Variants in PPARGC1A observed in about 807,000 individuals in gnomAD.
PPARGC1A encodes peroxisome proliferator-activated receptor gamma coactivator 1-alpha.
A neutral mutation model predicts 88.7 loss-of-function variants in PPARGC1A; 25 were observed. The observed-to-expected ratio is 0.28, with a 90% CI of 0.21 to 0.39. The LOEUF (loss-of-function observed/expected upper bound fraction) is 0.39, where lower values mean the gene tolerates loss of function less well. Among genes scored for constraint, PPARGC1A ranks in the 10% least tolerant of loss-of-function variants. PPARGC1A has a pLI of 1.00. For synonymous variants in PPARGC1A, 363 were observed against 355.6 expected (o/e 1.02, Z -0.24); for missense variants, 880 against 968.7 (o/e 0.91, Z 1.22).
chr4:24,094,408 G>A, the PPARGC1A span, among the ~76,000 whole-genome samples: 1 of 152,150 alleles, frequency 6.6e-6, no homozygotes, highest in Non-Finnish European at 1.5e-5. Flanking sequence ...GGCCCAGTCT[G>A]TTCTACCCAG....
the PPARGC1A span, among the ~76,000 whole-genome samples, chr4:24,335,945 A>T: frequency 6.6e-6 from 1 of 152,260 alleles, no homozygotes; most frequent in Non-Finnish European, 1.5e-5. Context: ...CAGAATAAAT[A>T]CATAAATAAA....
the PPARGC1A span, among the ~76,000 whole-genome samples, chr4:24,182,977 G>C: frequency 6.6e-6 from 1 of 152,078 alleles, no homozygotes; most frequent in South Asian, 2.1e-4. Flanking sequence ...TCCCAGTGTC[G>C]GGGGAAGATA....
At chr4:24,157,684 C>T in the PPARGC1A span, among the ~76,000 whole-genome samples, 1 of 151,980 alleles carries the variant, frequency 6.6e-6, no homozygotes, top group Admixed American at 6.6e-5. Context: ...TTTCTCTTTC[C>T]TTCACCCTCC....
the PPARGC1A span, among the ~76,000 whole-genome samples, chr4:23,980,829 G>A: frequency 6.6e-6 from 1 of 152,104 alleles, no homozygotes; most frequent in African/African-American, 2.4e-5. Context: ...TCCCACATGG[G>A]TGCAGAACTT....
At chr4:23,859,420 G>T (rs1448789931) in intron 2 of PPARGC1A, among the ~76,000 whole-genome samples, 1 of 152,152 alleles carries the variant, frequency 6.6e-6, no homozygotes, top group Non-Finnish European at 1.5e-5. Flanking sequence ...AGGAAGGAGA[G>T]AAGATGTATT....
chr4:24,406,892 T>C, the PPARGC1A span, among the ~76,000 whole-genome samples: 1 of 152,228 alleles, frequency 6.6e-6, no homozygotes, highest in East Asian at 1.9e-4. Flanking sequence ...CTTTCAAACA[T>C]GTTCCCTGGA....
At chr4:24,419,913 C>A in the PPARGC1A span, among the ~76,000 whole-genome samples, 3 of 152,170 alleles carry the variant, frequency 2.0e-5, no homozygotes, top group Non-Finnish European at 2.9e-5. Flanking sequence ...TAAATCCAGG[C>A]AACCTTGTGT....
At chr4:24,123,486 T>C in the PPARGC1A span, among the ~76,000 whole-genome samples, 1 of 152,016 alleles carries the variant, frequency 6.6e-6, no homozygotes, top group East Asian at 1.9e-4. Flanking sequence ...ATGGATAGAG[T>C]GTAAGGCAGA....
the PPARGC1A span, among the ~76,000 whole-genome samples, chr4:24,353,368 C>G: frequency 4.8e-5 from 7 of 145,860 alleles, no homozygotes; most frequent in Admixed American, 4.7e-4. Context: ...CTGGGTCCCC[C>G]GCCCTCCCTC....
At chr4:23,895,821 G>A (rs1718494368) in intron 1 of PPARGC1A, among the ~76,000 whole-genome samples, 1 of 151,940 alleles carries the variant, frequency 6.6e-6, no homozygotes, top group African/African-American at 2.4e-5. Context: ...ATAAGGGAAT[G>A]TGTACAAAGA....
At chr4:24,001,272 G>C in the PPARGC1A span, among the ~76,000 whole-genome samples, 1 of 152,184 alleles carries the variant, frequency 6.6e-6, no homozygotes, top group Admixed American at 6.5e-5. Context: ...ATTGGTGGAA[G>C]TGGGGAGGAA....
At chr4:24,152,212 C>A in the PPARGC1A span, among the ~76,000 whole-genome samples, 19 of 152,276 alleles carry the variant, frequency 1.2e-4, no homozygotes, top group African/African-American at 4.3e-4. Flanking sequence ...ACAAAGTTCC[C>A]GTAACTGTCT....
At chr4:24,170,743 G>A in the PPARGC1A span, among the ~76,000 whole-genome samples, 3 of 152,166 alleles carry the variant, frequency 2.0e-5, no homozygotes, top group Non-Finnish European at 4.4e-5. Context: ...CAAGGGACCT[G>A]AAAAGCTGTC....
At chr4:24,077,550 T>C in the PPARGC1A span, among the ~76,000 whole-genome samples, 2 of 151,936 alleles carry the variant, frequency 1.3e-5, no homozygotes, top group South Asian at 2.1e-4. Context: ...GAACTGTTTT[T>C]TTTTTCTTCC....
At chr4:24,208,675 G>GAAAAAA in the PPARGC1A span, among the ~76,000 whole-genome samples, 4,802 of 125,976 alleles carry the variant, frequency 0.038, 129 homozygotes, top group African/African-American at 0.059. Context: ...ACCAAACTCA[G>GAAAAAA]AAAAAAAATA....
At chr4:24,317,555 TAAAAAAAAAAAAAAAAAAAA>T in the PPARGC1A span, among the ~76,000 whole-genome samples, 42 of 22,218 alleles carry the variant, frequency 1.9e-3, no homozygotes, top group East Asian at 0.013. Context: ...TTCAGAGGAC[TAAAAAAAAAAAAAAAAAAAA>T]AAAAAAAAAA....
the PPARGC1A span, among the ~76,000 whole-genome samples, chr4:23,939,757 A>G: frequency 6.6e-6 from 1 of 152,228 alleles, no homozygotes; most frequent in Non-Finnish European, 1.5e-5. Context: ...ACAATATCAT[A>G]ATTTAACTCT....
the PPARGC1A span, among the ~76,000 whole-genome samples, chr4:23,924,468 A>T: frequency 3.9e-5 from 6 of 152,110 alleles, no homozygotes; most frequent in Non-Finnish European, 4.4e-5. Flanking sequence ...TCTACTAAAA[A>T]TACAAAAATT....
chr4:24,363,694 A>T, the PPARGC1A span, among the ~76,000 whole-genome samples: 1 of 152,212 alleles, frequency 6.6e-6, no homozygotes, highest in Admixed American at 6.5e-5. Flanking sequence ...AAACAATACA[A>T]ATATTTACTT....
Sources: allele counts gnomAD v4.1 joint callset (sites outside exome capture counted in the v4.1 genomes callset), GRCh38; gene constraint gnomAD v4.1.1; transcripts MANE v1.5; gene names NCBI Gene and HGNC (gene_info 2026-07-23, HGNC 2026-07-21).